The following ATP1A1 variants were observed in gnomAD, a reference collection of about 807,000 sequenced individuals.
The protein encoded by ATP1A1 is ATPase Na+/K+ transporting subunit alpha 1.
In ATP1A1, 14 loss-of-function variants were observed where a neutral mutation model predicts 114.8. That is an observed-to-expected ratio of 0.12 (90% CI 0.08 to 0.19). ATP1A1 has a LOEUF of 0.19. Ranked by LOEUF, ATP1A1 falls within the 10% of genes least tolerant of loss-of-function variation. ATP1A1 has a pLI of 1.00. For synonymous variants in ATP1A1, 471 were observed against 466.3 expected, an observed-to-expected ratio of 1.01 and a Z score of -0.13; for missense variants, 524 against 1,290.7, an observed-to-expected ratio of 0.41 and a Z score of 9.10.
intron 1 of ATP1A1, chr1:116,373,867 A>G: frequency 1.6e-6 from 2 of 1,257,514 alleles, no homozygotes; most frequent in African/African-American, 1.6e-5. Context: ...GGGGGCTTGC[A>G]GCAGCGGGGG....
In ATP1A1 at chr1:116,401,695, G is replaced by A. The variant is rs1653493300; in HGVS notation, c.2951+40G>A. On this transcript the variant is annotated intron_variant, in intron 21 of 22. Coordinates refer to ENST00000295598, the MANE Select transcript of ATP1A1 (RefSeq NM_000701.8). This position sits in a 1 kb window ranked among gnomAD's most constrained non-coding sequence, Gnocchi z 4.7. ...TGGTAGCTCCAAAAAGTATGAAATA[G>A]TATGTGTGGCTTTTCCCCCCATTAC... The A allele has an allele frequency of 1.3e-6, 2 of 1,576,606 alleles. No homozygotes were observed. The highest frequency in any genetic ancestry group is 1.4e-5 in the African/African-American group (1 of 74,028).
At chr1:116,383,375 GTAA>G (rs1651873501) in intron 1 of ATP1A1, 2 of 1,028,730 alleles carry the variant, frequency 1.9e-6, no homozygotes, top group Non-Finnish European at 2.4e-6. Context: ...AATTTGATAT[GTAA>G]TAATGTCTTT....
chr1:116,393,100 C>A lies in ATP1A1; in HGVS notation c.1467+112C>A. Reference sequence around the variant, plus strand: ...CCCTTTGGAGTTTTATAAGCTTTAGCTTTAAATTTTGCCCTTGATTACCAT... The same window carrying A: ...CCCTTTGGAGTTTTATAAGCTTTAGATTTAAATTTTGCCCTTGATTACCAT... On this transcript the variant is annotated intron_variant, in intron 11 of 22. Transcript: ENST00000295598. This position sits in a 1 kb window ranked among gnomAD's most constrained non-coding sequence, Gnocchi z 5.0. 6.8e-7 allele frequency: 1 copy of A among 1,473,610 alleles called. No homozygotes were observed. The highest frequency in any genetic ancestry group is 9.1e-7 in the Non-Finnish European group (1 of 1,101,214). The allele number at this position is 1,473,610 out of a possible 1,614,324, so 91.3% of individuals were successfully genotyped here. A position where few individuals can be genotyped will look rare whatever the true frequency, so the allele number is the denominator to read the frequency against.
At chr1:116,390,066 G>A (rs1436762660) in intron 8 of ATP1A1, 147 bp from the exon 9 acceptor site, 2 of 843,564 alleles carry the variant, frequency 2.4e-6, no homozygotes, top group African/African-American at 1.7e-5. Flanking sequence ...CTCATGTATG[G>A]GTTCCCCTTA....
At chr1:116,400,004 C>T (rs75903090) in intron 18 of ATP1A1, among the ~76,000 whole-genome samples, 5,656 of 152,294 alleles carry the variant, frequency 0.037, 346 homozygotes, top group African/African-American at 0.13. Flanking sequence ...GATCCTCCAT[C>T]CACCTCACAC....
At chr1:116,377,154 T>TAAAAC (rs1651426887) in intron 1 of ATP1A1, among the ~76,000 whole-genome samples, 1 of 152,220 alleles carries the variant, frequency 6.6e-6, no homozygotes, top group Non-Finnish European at 1.5e-5. Context: ...CAAACAGGTT[T>TAAAAC]AAAAGTAAAA....
chr1:116,400,728 C>A, intron 18 of ATP1A1, 133 bp from the exon 19 acceptor site: 1 of 1,134,540 alleles, frequency 8.8e-7, no homozygotes, highest in South Asian at 1.5e-5. Flanking sequence ...CAATTCTTTC[C>A]TGTGCTTTTA....
intron 1 of ATP1A1, among the ~76,000 whole-genome samples, chr1:116,376,653 C>T (rs1445798619): frequency 6.6e-6 from 1 of 152,004 alleles, no homozygotes; most frequent in East Asian, 1.9e-4. Flanking sequence ...TGTAGTGTTC[C>T]CTGCCAGTAA....
chr1:116,374,046 C>T (rs1651184155), intron 1 of ATP1A1: 2 of 1,405,580 alleles, frequency 1.4e-6, no homozygotes, highest in African/African-American at 1.5e-5. Context: ...TCCGTTCCCG[C>T]CGCGGCCCCG....
Position 116,388,097 on chromosome 1 carries a change from A to C in ATP1A1, c.388-34A>C, listed in dbSNP as rs1557784487. The stretch of plus-strand genomic sequence containing the variant: ...TTGAATGTCCCTAATTATTGTGTAG[A>C]GCCACGGGCCCTAACTTGTCTTTTC... On this transcript the variant is annotated intron_variant, in intron 4 of 22. Transcript: ENST00000295598. The surrounding 1 kb of genome is among the most constrained non-coding windows in gnomAD (Gnocchi z 5.6). 1 of 1,400,484 alleles carries C rather than the reference A, an allele frequency of 7.1e-7. No individual in the cohort carries two copies. The highest frequency in any genetic ancestry group is 1.0e-6 in the Non-Finnish European group (1 of 995,608). The allele number at this position is 1,400,484 out of a possible 1,614,324, so 86.8% of individuals were successfully genotyped here.
intron 1 of ATP1A1, chr1:116,374,200 C>G (rs755822194): frequency 1.3e-6 from 2 of 1,550,740 alleles, no homozygotes; most frequent in African/African-American, 1.4e-5. Flanking sequence ...CGGGCTGGTG[C>G]CAGAAAGGGT....
At chr1:116,383,072 T>G (rs563646902) in intron 1 of ATP1A1, among the ~76,000 whole-genome samples, 8 of 152,170 alleles carry the variant, frequency 5.3e-5, no homozygotes, top group African/African-American at 9.7e-5. Context: ...AGTGGAACAA[T>G]CTAAATTTAA....
At chr1:116,378,804 C>T (rs968035499) in intron 1 of ATP1A1, among the ~76,000 whole-genome samples, 19 of 152,028 alleles carry the variant, frequency 1.2e-4, no homozygotes, top group African/African-American at 4.6e-4. Context: ...CCTCTCATAA[C>T]GCATATGCTG....
chr1:116,389,308 A>AGC lies in ATP1A1; in HGVS notation c.755-130_755-129dup. 8.2e-7 allele frequency: 1 copy of AGC among 1,214,412 alleles called. No homozygotes were observed. The highest frequency in any genetic ancestry group is 1.5e-5 in the African/African-American group (1 of 66,162). The allele number at this position is 1,214,412 out of a possible 1,614,324, so 75.2% of individuals were successfully genotyped here. ...TGCCAAACAGCATGTACAGCCAAAG[A>AGC]GCTGGCCCTTAAAAAGTGCTTTTAT... On this transcript the variant is annotated intron_variant, in intron 7 of 22. Transcript: ENST00000295598. The surrounding 1 kb of genome is among the most constrained non-coding windows in gnomAD (Gnocchi z 6.9).
At position 116,388,789 on chromosome 1, in the gene ATP1A1, A is replaced by T. The variant is rs1652263105; in HGVS notation, c.636+17A>T. On this transcript the variant is annotated intron_variant, in intron 6 of 22. Coordinates refer to ENST00000295598, the MANE Select transcript of ATP1A1 (RefSeq NM_000701.8). This position sits in a 1 kb window ranked among gnomAD's most constrained non-coding sequence, Gnocchi z 5.6. ...GGCTGCAAGGTAGCTCTTTTATTTT[A>T]ACAAACCTCATAGCTAGCTCTGCTG... 1 of 1,613,796 alleles carries T rather than the reference A, an allele frequency of 6.2e-7. No individual in the cohort carries two copies. The highest frequency in any genetic ancestry group is 8.5e-7 in the Non-Finnish European group (1 of 1,179,912).
rs1388874943 is a variant in ATP1A1 at position 116,399,953 on chromosome 1, A to G, written c.2572+410A>G. On this transcript the variant is annotated intron_variant, in intron 18 of 22. Coordinates refer to ENST00000295598, the MANE Select transcript of ATP1A1 (RefSeq NM_000701.8). This position sits in a 1 kb window ranked among gnomAD's most constrained non-coding sequence, Gnocchi z 5.0. ...TGGAGTTAGGCATTGGAGAAAGTAT[A>G]TGTGTTTGAGAGTTTGGCTGGTAGG... Among the ~76,000 whole-genome samples, 1 of 152,224 alleles carries G rather than the reference A, an allele frequency of 6.6e-6. No individual in the cohort carries two copies. The highest frequency in any genetic ancestry group is 2.4e-5 in the African/African-American group (1 of 41,462).
intron 18 of ATP1A1, among the ~76,000 whole-genome samples, chr1:116,400,369 G>T (rs1379395729): frequency 6.6e-6 from 1 of 152,154 alleles, no homozygotes; most frequent in African/African-American, 2.4e-5. Context: ...CTGCCCTGAG[G>T]AACTTGGAGC....
Position 116,387,566 on chromosome 1 carries a change from C to G in ATP1A1, c.387+75C>G, listed in dbSNP as rs1652182572. ...TCTCCGTCTTTGTCTCCCACTTCTTCTCAATTACCACTCATTACTTAATGG... is the reference window on the plus strand; with the variant it reads ...TCTCCGTCTTTGTCTCCCACTTCTTGTCAATTACCACTCATTACTTAATGG... On this transcript the variant is annotated intron_variant, in intron 4 of 22. Coordinates refer to ENST00000295598, the MANE Select transcript of ATP1A1 (RefSeq NM_000701.8). The surrounding 1 kb of genome is among the most constrained non-coding windows in gnomAD (Gnocchi z 6.7). 1 of 1,485,242 alleles carries G rather than the reference C, an allele frequency of 6.7e-7. No homozygotes were observed. Among genetic ancestry groups the G allele is most frequent in the Non-Finnish European group, 9.3e-7 (1 of 1,075,954 alleles). The allele number at this position is 1,485,242 out of a possible 1,614,324, so 92.0% of individuals were successfully genotyped here.
At position 116,380,238 on chromosome 1, in the gene ATP1A1, T is replaced by C. The variant is rs184764899; in HGVS notation, c.13-3776T>C. On this transcript the variant is annotated intron_variant, in intron 1 of 22. Transcript: ENST00000295598. ...CAGCATGTGGCAACACTAGAATAAA[T>C]TGGCAGACTCAACACCATTAGCAGA... Among the ~76,000 whole-genome samples, 3 of 152,276 alleles carry C rather than the reference T, an allele frequency of 2.0e-5. No homozygotes were observed. The East Asian group carries it at 5.8e-4, about 29-fold the overall frequency.
Sources: allele counts gnomAD v4.1 joint callset (sites outside exome capture counted in the v4.1 genomes callset), GRCh38; gene constraint gnomAD v4.1.1; non-coding constraint Gnocchi (gnomAD v3.1); transcripts MANE v1.5; gene names NCBI Gene and HGNC (gene_info 2026-07-23, HGNC 2026-07-21).